KCNK2: variants seen among roughly 807,000 people sequenced by gnomAD.
KCNK2 encodes potassium channel subfamily K member 2.
A neutral mutation model predicts 40.5 loss-of-function variants in KCNK2; 21 were observed. That is an observed-to-expected ratio of 0.52 (90% confidence interval 0.37 to 0.75). KCNK2 has a LOEUF of 0.75. Among genes scored for constraint, KCNK2 ranks in the 30% least tolerant of loss-of-function variants. The pLI is 0.00. For synonymous variants in KCNK2, 191 were observed against 202.2 expected (o/e 0.94, Z 0.47); for missense variants, 399 against 531.6 (o/e 0.75, Z 2.45).
intron 5 of KCNK2, among the ~76,000 whole-genome samples, chr1:215,182,393 CA>C (rs1253021938): frequency 6.6e-6 from 1 of 152,074 alleles, no homozygotes; most frequent in Non-Finnish European, 1.5e-5. Context: ...GCTGCTGAGC[CA>C]GGCAAGTGGG....
chr1:215,054,453 T>G (rs1658088511), intron 1 of KCNK2, among the ~76,000 whole-genome samples: 1 of 152,158 alleles, frequency 6.6e-6, no homozygotes, highest in African/African-American at 2.4e-5. Context: ...GTATAAAAGG[T>G]GCCACATTCT....
intron 5 of KCNK2, among the ~76,000 whole-genome samples, chr1:215,185,019 A>G (rs966144996): frequency 6.6e-6 from 1 of 152,176 alleles, no homozygotes; most frequent in Non-Finnish European, 1.5e-5. Context: ...GAGTCATGGC[A>G]TAGTATCATA....
At chr1:215,038,127 T>C (rs925737468) in intron 1 of KCNK2, among the ~76,000 whole-genome samples, 3 of 152,018 alleles carry the variant, frequency 2.0e-5, no homozygotes, top group Admixed American at 6.6e-5. Context: ...CTCTTTATCT[T>C]TATTTTTATC....
At chr1:215,156,147 A>G (rs931671795) in intron 3 of KCNK2, among the ~76,000 whole-genome samples, 2 of 152,104 alleles carry the variant, frequency 1.3e-5, no homozygotes, top group African/African-American at 4.8e-5. Flanking sequence ...AGTAGGGAAG[A>G]TAGACATTAA....
intron 2 of KCNK2, among the ~76,000 whole-genome samples, chr1:215,113,136 A>C (rs1339481031): frequency 6.6e-6 from 1 of 152,196 alleles, no homozygotes; most frequent in African/African-American, 2.4e-5. Flanking sequence ...AGGCCTGATG[A>C]CTATTTAGAA....
At chr1:215,007,037 A>ATGTGTG (rs1214318973) in intron 1 of KCNK2, among the ~76,000 whole-genome samples, 6 of 51,592 alleles carry the variant, frequency 1.2e-4, no homozygotes, top group African/African-American at 2.5e-4. Context: ...ATATATATAT[A>ATGTGTG]TGTGTGTGTG....
At chr1:215,177,279 A>G (rs988965379) in intron 5 of KCNK2, among the ~76,000 whole-genome samples, 6 of 151,968 alleles carry the variant, frequency 3.9e-5, no homozygotes, top group Admixed American at 2.0e-4. Context: ...CATAGGTTAT[A>G]CTTATTTTAT....
chr1:215,026,458 A>C (rs1170403890), intron 1 of KCNK2, among the ~76,000 whole-genome samples: 1 of 151,988 alleles, frequency 6.6e-6, no homozygotes, highest in East Asian at 1.9e-4. Context: ...TGGGTTTATT[A>C]ATTTTTTTAG....
intron 6 of KCNK2, among the ~76,000 whole-genome samples, chr1:215,209,247 C>A: frequency 3.3e-5 from 4 of 120,236 alleles, no homozygotes; most frequent in East Asian, 2.3e-4. Flanking sequence ...TATAAATATA[C>A]ACATATCTTA....
rs200889246 is a variant in KCNK2, at chr1:215,227,497, A to G, written c.964-7331A>G. The stretch of plus-strand genomic sequence containing the variant: ...GACATGGAGTTTGAGAGGGATGGTA[A>G]TTAGAATTGAGGCTGAAACAGCAGG... On this transcript the variant is annotated intron_variant, in intron 6 of 6. Transcript: ENST00000444842. Among the ~76,000 whole-genome samples, 6 of 152,318 alleles carry G rather than the reference A, an allele frequency of 3.9e-5. No individual in the cohort carries two copies. In the East Asian group the frequency reaches 5.8e-4, roughly 15 times the overall value.
chr1:215,164,581 C>T (rs1468935420), intron 3 of KCNK2, among the ~76,000 whole-genome samples: 2 of 152,050 alleles, frequency 1.3e-5, no homozygotes, highest in Non-Finnish European at 2.9e-5. Context: ...CTATACACTG[C>T]TTTAGCCGTG....
In KCNK2 at chr1:215,086,353, C is replaced by G; in HGVS notation, c.47-15C>G. The G allele has an allele frequency of 1.2e-6, 2 of 1,607,852 alleles. No homozygotes were observed. The highest frequency in any genetic ancestry group is 1.7e-6 in the Non-Finnish European group (2 of 1,175,242). On this transcript the variant is annotated splice_polypyrimidine_tract_variant and intron_variant, in intron 1 of 6. Coordinates refer to ENST00000444842, the MANE Select transcript of KCNK2 (RefSeq NM_001017425.3). ...CATCTCCTCCAACCTAACCCTCATT[C>G]TCTGTTGTTGTCAGTGGCGGCACCT...
intron 4 of KCNK2, among the ~76,000 whole-genome samples, chr1:215,169,936 G>A (rs1163018096): frequency 6.6e-6 from 1 of 151,958 alleles, no homozygotes; most frequent in African/African-American, 2.4e-5. Context: ...TTGAGCCACC[G>A]TGCCCAGCCA....
chr1:215,141,674 CACA>C (rs1421403437), intron 3 of KCNK2, among the ~76,000 whole-genome samples: 1 of 152,072 alleles, frequency 6.6e-6, no homozygotes, highest in Non-Finnish European at 1.5e-5. Context: ...ATTCTGGGAT[CACA>C]ACTTTTCCTA....
chr1:215,230,591 A>C (rs1207938140), intron 6 of KCNK2, among the ~76,000 whole-genome samples: 2 of 49,324 alleles, frequency 4.1e-5, no homozygotes, highest in African/African-American at 8.1e-5. Context: ...ACCGTAATAT[A>C]TATATATATA....
intron 5 of KCNK2, among the ~76,000 whole-genome samples, chr1:215,178,729 C>G (rs963263733): frequency 6.6e-6 from 1 of 152,072 alleles, no homozygotes; most frequent in African/African-American, 2.4e-5. Flanking sequence ...GTTGAACTAA[C>G]TTTTTGATGT....
intron 3 of KCNK2, among the ~76,000 whole-genome samples, chr1:215,161,411 CCTCT>C (rs1467405219): frequency 3.3e-5 from 5 of 151,738 alleles, no homozygotes; most frequent in Middle Eastern, 6.8e-3. Flanking sequence ...GCTCTTTCTC[CCTCT>C]CTGTCTTTTT....
chr1:215,149,406 GA>G (rs1662585563), intron 3 of KCNK2, among the ~76,000 whole-genome samples: 2 of 152,180 alleles, frequency 1.3e-5, no homozygotes, highest in Admixed American at 6.6e-5. Context: ...ACAGAGTTAG[GA>G]GACTTCCTCG....
At chr1:215,080,827 T>A (rs1297887944), upstream of KCNK2, among the ~76,000 whole-genome samples, 1 of 152,216 alleles carries the variant, frequency 6.6e-6, no homozygotes, top group Non-Finnish European at 1.5e-5. Context: ...ATGTGTCAAC[T>A]TGACTAGGCT....
Sources: gnomAD v4.1 joint callset for allele counts (sites outside exome capture counted in the v4.1 genomes callset) on GRCh38, gnomAD v4.1.1 for gene constraint, MANE v1.5 for transcripts, NCBI Gene and HGNC (gene_info 2026-07-23, HGNC 2026-07-21) for gene names.